C1GALT1: variants seen among roughly 807,000 people sequenced by gnomAD.
The protein encoded by C1GALT1 is glycoprotein-N-acetylgalactosamine 3-beta-galactosyltransferase 1.
Under a neutral mutation model 31.0 loss-of-function variants are expected in C1GALT1, and 11 were observed. The observed-to-expected ratio is 0.36, with a 90% CI of 0.22 to 0.59. The LOEUF (loss-of-function observed/expected upper bound fraction) is 0.59, where lower values mean the gene tolerates loss of function less well. Ranked by LOEUF, C1GALT1 falls within the 20% of genes least tolerant of loss-of-function variation. The pLI, the probability that C1GALT1 is intolerant of heterozygous loss-of-function variation, is 0.79. For synonymous variants in C1GALT1, 175 were observed against 143.6 expected (o/e 1.22, Z -1.56); for missense variants, 424 against 425.2 (o/e 1.00, Z 0.03).
chr7:7,222,681 T>C (rs1179331857), intron 1 of C1GALT1, among the ~76,000 whole-genome samples: 1 of 152,214 alleles, frequency 6.6e-6, no homozygotes, highest in Non-Finnish European at 1.5e-5. Context: ...GTGGGTTAGA[T>C]GATTCCAAAT....
rs1301204405 is a variant in C1GALT1 at position 7,246,321 on chromosome 7, G to T, written c.*2594G>T. 1.3e-5 allele frequency: 2 copies of T among 152,036 alleles called. No homozygotes were observed. The highest frequency in any genetic ancestry group is 6.6e-5 in the Admixed American group (1 of 15,262). The allele number at this position is 152,036 out of a possible 1,614,324, so 9.4% of individuals were successfully genotyped here. On this transcript the variant is annotated 3_prime_UTR_variant, in exon 4 of 4. Coordinates refer to ENST00000436587, the MANE Select transcript of C1GALT1 (RefSeq NM_020156.5). ...GTTCATTGGAACCGTATCAGGCTTG[G>T]GGCTATTCATGTAGCATTATTTCCA...
intron 1 of C1GALT1, among the ~76,000 whole-genome samples, chr7:7,227,675 C>G (rs1236656852): frequency 1.1e-4 from 16 of 150,402 alleles, no homozygotes; most frequent in Non-Finnish European, 2.1e-4. Context: ...AGCCGAGATC[C>G]CGCCACTGCA....
In C1GALT1 at chr7:7,244,416, C is replaced by G. The variant is rs1179445320; in HGVS notation, c.*689C>G. ...TCATCTTTTACGCAATCTCTGTTGT[C>G]TCTTTTCTAAATGTGTTTAGCCACT... On this transcript the variant is annotated 3_prime_UTR_variant, in exon 4 of 4. Coordinates refer to ENST00000436587, the MANE Select transcript of C1GALT1 (RefSeq NM_020156.5). The G allele has an allele frequency of 6.6e-6, 1 of 152,130 alleles. No homozygotes were observed. The highest frequency in any genetic ancestry group is 1.5e-5 in the Non-Finnish European group (1 of 67,986). 9.4% of individuals were successfully genotyped at this position (152,130 alleles called of 1,614,324 possible).
chr7:7,188,210 T>G (rs994831656), intron 1 of C1GALT1, among the ~76,000 whole-genome samples: 6 of 152,208 alleles, frequency 3.9e-5, no homozygotes, highest in Non-Finnish European at 8.8e-5. Flanking sequence ...ATTAAGAATA[T>G]CTGTGTACTT....
chr7:7,233,404 A>G (rs1390132332), intron 1 of C1GALT1, among the ~76,000 whole-genome samples: 1 of 152,026 alleles, frequency 6.6e-6, no homozygotes, highest in Admixed American at 6.6e-5. Context: ...CTTCCCAAGT[A>G]TTCACCTTAT....
At chr7:7,205,667 T>C (rs149814953) in intron 1 of C1GALT1, among the ~76,000 whole-genome samples, 99 of 152,346 alleles carry the variant, frequency 6.5e-4, no homozygotes, top group African/African-American at 2.1e-3. Flanking sequence ...ATAATGTCCT[T>C]CTTGTCTTTT....
At chr7:7,196,277 T>C (rs1218234262) in intron 1 of C1GALT1, among the ~76,000 whole-genome samples, 1 of 144,206 alleles carries the variant, frequency 6.9e-6, no homozygotes, top group Non-Finnish European at 1.5e-5. Flanking sequence ...CGTGTTCTCA[T>C]TGTTTAATTC....
chr7:7,178,607 A>C (rs1220489941), upstream of C1GALT1, among the ~76,000 whole-genome samples: 1 of 152,216 alleles, frequency 6.6e-6, no homozygotes, highest in Non-Finnish European at 1.5e-5. Flanking sequence ...GCTCTCAGTA[A>C]GATTCACACT....
At chr7:7,165,418 G>C (rs539531700) in intron 2 of C1GALT1, among the ~76,000 whole-genome samples, 8 of 152,070 alleles carry the variant, frequency 5.3e-5, no homozygotes, top group Non-Finnish European at 1.0e-4. Context: ...CTCTATTTCA[G>C]TTACGCTAAG....
At chr7:7,188,925 A>G (rs961237854) in intron 1 of C1GALT1, among the ~76,000 whole-genome samples, 2 of 152,208 alleles carry the variant, frequency 1.3e-5, no homozygotes, top group Non-Finnish European at 2.9e-5. Flanking sequence ...TTACCCAACG[A>G]TACGAAAGCA....
intron 1 of C1GALT1, chr7:7,209,666 C>T (rs1369360754): frequency 3.9e-5 from 6 of 152,164 alleles, no homozygotes; most frequent in African/African-American, 1.4e-4. Flanking sequence ...TTGGATGTTC[C>T]TAGAAAGTTT....
chr7:7,171,207 C>G (rs1435451559), intron 2 of C1GALT1, among the ~76,000 whole-genome samples: 1 of 152,126 alleles, frequency 6.6e-6, no homozygotes, highest in African/African-American at 2.4e-5. Flanking sequence ...GTATTGGAGT[C>G]TCCAACTATT....
intron 1 of C1GALT1, among the ~76,000 whole-genome samples, chr7:7,228,690 CAA>C (rs1476014076): frequency 1.3e-5 from 2 of 152,142 alleles, no homozygotes; most frequent in Non-Finnish European, 2.9e-5. Flanking sequence ...AAACACAACA[CAA>C]GAGGAGCCAA....
chr7:7,228,515 A>C (rs141913347), intron 1 of C1GALT1, among the ~76,000 whole-genome samples: 1 of 152,114 alleles, frequency 6.6e-6, no homozygotes, highest in African/African-American at 2.4e-5. Flanking sequence ...GTCTACCTCA[A>C]CACTCTTGTG....
chr7:7,207,802 T>TA (rs79004633), intron 1 of C1GALT1, among the ~76,000 whole-genome samples: 2 of 143,606 alleles, frequency 1.4e-5, no homozygotes, highest in African/African-American at 5.3e-5. Flanking sequence ...TTTTTTTTTT[T>TA]AATTGTTGCA....
At chr7:7,186,605 A>G (rs1393272681) in intron 1 of C1GALT1, among the ~76,000 whole-genome samples, 3 of 152,214 alleles carry the variant, frequency 2.0e-5, no homozygotes, top group Non-Finnish European at 4.4e-5. Flanking sequence ...GTAAAATAAT[A>G]TTTGATATTA....
chr7:7,232,261 A>T (rs73674697), intron 1 of C1GALT1, among the ~76,000 whole-genome samples: 5,300 of 152,278 alleles, frequency 0.035, 281 homozygotes, highest in African/African-American at 0.12. Flanking sequence ...ACTTGGTTGT[A>T]CTAAAAGAAC....
intron 1 of C1GALT1, among the ~76,000 whole-genome samples, chr7:7,222,495 T>A (rs939997998): frequency 5.9e-5 from 9 of 152,200 alleles, no homozygotes; most frequent in African/African-American, 1.9e-4. Flanking sequence ...AATGTGTGTT[T>A]CATTGAGGTT....
intron 1 of C1GALT1, among the ~76,000 whole-genome samples, chr7:7,214,822 A>T (rs1782159507): frequency 6.6e-6 from 1 of 152,192 alleles, no homozygotes; most frequent in Admixed American, 6.5e-5. Context: ...ACTTCCCATG[A>T]TATACTTTCC....
Sources: gnomAD v4.1 joint callset for allele counts (sites outside exome capture counted in the v4.1 genomes callset) on GRCh38, gnomAD v4.1.1 for gene constraint, MANE v1.5 for transcripts, NCBI Gene and HGNC (gene_info 2026-07-23, HGNC 2026-07-21) for gene names.